Variants in IFT56 observed in about 807,000 individuals in gnomAD.
IFT56 encodes intraflagellar transport protein 56.
chr7:139,180,322 C>T, the IFT56 span, among the ~76,000 whole-genome samples: 1 of 151,806 alleles, frequency 6.6e-6, no homozygotes, highest in Non-Finnish European at 1.5e-5. Context: ...GGCGACAGAG[C>T]GAGACTCCGT....
the IFT56 span, chr7:139,181,046 A>T: frequency 8.4e-7 from 1 of 1,192,888 alleles, no homozygotes; most frequent in Non-Finnish European, 1.2e-6. Flanking sequence ...ATTTTTGTAC[A>T]GTAAAAATGA....
At chr7:139,182,650 G>A in the IFT56 span, among the ~76,000 whole-genome samples, 4 of 152,138 alleles carry the variant, frequency 2.6e-5, no homozygotes, top group African/African-American at 7.2e-5. Flanking sequence ...GCAGCAGCAG[G>A]AGCAGCAACA....
At chr7:139,181,098 T>C in the IFT56 span, 36 of 1,600,590 alleles carry the variant, frequency 2.2e-5, no homozygotes, top group Non-Finnish European at 2.9e-5. Flanking sequence ...GCAGATATTA[T>C]GAATAAGAAA....
At chr7:139,137,207 A>C in the IFT56 span, among the ~76,000 whole-genome samples, 1 of 152,210 alleles carries the variant, frequency 6.6e-6, no homozygotes. Flanking sequence ...CTCCAAAATA[A>C]GGCTTTTCTT....
chr7:139,190,064 A>T, the IFT56 span: 1 of 152,252 alleles, frequency 6.6e-6, no homozygotes, highest in Non-Finnish European at 1.5e-5. Flanking sequence ...GCAATGTTTT[A>T]AAAGGTGAGT....
chr7:139,139,993 C>G, the IFT56 span: 1 of 1,606,694 alleles, frequency 6.2e-7, no homozygotes, highest in African/African-American at 1.3e-5. Flanking sequence ...GCTGAAGCAG[C>G]TGGATTTAAA....
chr7:139,189,450 A>C, the IFT56 span: 1 of 1,528,168 alleles, frequency 6.5e-7, no homozygotes, highest in Non-Finnish European at 9.0e-7. Flanking sequence ...CCAGCGTCCT[A>C]GGAACCAGCT....
chr7:139,158,440 G>A, the IFT56 span, among the ~76,000 whole-genome samples: 4 of 151,936 alleles, frequency 2.6e-5, no homozygotes, highest in African/African-American at 7.3e-5. Flanking sequence ...GATGTTTAAT[G>A]TAGATTTTTA....
the IFT56 span, among the ~76,000 whole-genome samples, chr7:139,145,957 A>T: frequency 3.2e-4 from 49 of 152,314 alleles, no homozygotes; most frequent in Non-Finnish European, 5.4e-4. Flanking sequence ...TGCCACTTAG[A>T]GCTAACACTG....
At chr7:139,134,734 C>G in the IFT56 span, 1 of 1,614,002 alleles carries the variant, frequency 6.2e-7, no homozygotes, top group Non-Finnish European at 8.5e-7. Context: ...AGGAAGATTC[C>G]AAAACTAGAG....
the IFT56 span, chr7:139,173,058 A>G: frequency 1.4e-6 from 1 of 733,620 alleles, no homozygotes; most frequent in Non-Finnish European, 2.5e-6. Flanking sequence ...CTTCCAACTC[A>G]GCTTTGCGCC....
chr7:139,139,527 C>T, the IFT56 span, among the ~76,000 whole-genome samples: 3 of 152,000 alleles, frequency 2.0e-5, no homozygotes, highest in South Asian at 2.1e-4. Context: ...GTATTAAAGC[C>T]ATCAGATTTT....
chr7:139,163,535 A>G, the IFT56 span, among the ~76,000 whole-genome samples: 2 of 152,128 alleles, frequency 1.3e-5, no homozygotes. Flanking sequence ...CAATGTTTTG[A>G]GAGGTTAAGG....
At chr7:139,178,191 G>A in the IFT56 span, 9 of 1,569,912 alleles carry the variant, frequency 5.7e-6, no homozygotes, top group South Asian at 8.9e-5. Context: ...ATATATGTGG[G>A]GTTTTTTTCC....
chr7:139,168,352 T>C, the IFT56 span: 1 of 1,605,798 alleles, frequency 6.2e-7, no homozygotes, highest in South Asian at 1.1e-5. Flanking sequence ...AGGAGTATAT[T>C]CTCAAAGGAG....
chr7:139,189,373 G>C, the IFT56 span: 1 of 1,613,594 alleles, frequency 6.2e-7, no homozygotes, highest in East Asian at 2.2e-5. Context: ...TAACACCCAA[G>C]TAGAATACAT....
At chr7:139,158,777 G>A in the IFT56 span, among the ~76,000 whole-genome samples, 1 of 151,988 alleles carries the variant, frequency 6.6e-6, no homozygotes, top group Non-Finnish European at 1.5e-5. Context: ...ACCCTGGTGT[G>A]GTGGCGTGTA....
At chr7:139,134,183 A>G in the IFT56 span, among the ~76,000 whole-genome samples, 1 of 152,162 alleles carries the variant, frequency 6.6e-6, no homozygotes, top group Admixed American at 6.5e-5. Context: ...CTTCCTAAGT[A>G]TTGGCTGATG....
the IFT56 span, chr7:139,134,576 T>C: frequency 3.4e-6 from 5 of 1,471,144 alleles, no homozygotes; most frequent in Middle Eastern, 1.8e-4. Context: ...CCTTGACTTA[T>C]AAATTACAGA....
Sources: gnomAD v4.1 joint callset for allele counts (sites outside exome capture counted in the v4.1 genomes callset) on GRCh38, gnomAD v4.1.1 for gene constraint, MANE v1.5 for transcripts, NCBI Gene and HGNC (gene_info 2026-07-23, HGNC 2026-07-21) for gene names.